Variants in DCAF13 observed in about 807,000 individuals in gnomAD.
DCAF13 encodes the protein DDB1 and CUL4 associated factor 13, also known as DDB1- and CUL4-associated factor 13.
A neutral mutation model predicts 59.0 loss-of-function variants in DCAF13; 38 were observed. The ratio of observed to expected loss-of-function variants is 0.64; its 90% CI spans 0.50 to 0.84. DCAF13 has a LOEUF of 0.84. Among genes scored for constraint, DCAF13 ranks in the 40% least tolerant of loss-of-function variants. DCAF13 has a pLI of 0.00. For synonymous variants in DCAF13, 173 were observed against 175.0 expected, an observed-to-expected ratio of 0.99 and a Z score of 0.09; for missense variants, 469 against 558.4, an observed-to-expected ratio of 0.84 and a Z score of 1.61.
chr8:103,434,604 T>C (rs1045166744), intron 7 of DCAF13, among the ~76,000 whole-genome samples: 4 of 152,070 alleles, frequency 2.6e-5, no homozygotes, highest in African/African-American at 9.7e-5. Flanking sequence ...GTAATTATTA[T>C]ATATCTTTGG....
intron 7 of DCAF13, among the ~76,000 whole-genome samples, chr8:103,433,624 T>C (rs1816894947): frequency 6.6e-6 from 1 of 152,044 alleles, no homozygotes; most frequent in Non-Finnish European, 1.5e-5. Flanking sequence ...TATATGATGT[T>C]TTAGTGGTAC....
chr8:103,418,846 A>ATATATTTATATATT (rs1554630625), intron 1 of DCAF13, among the ~76,000 whole-genome samples: 1 of 15,754 alleles, frequency 6.3e-5, no homozygotes, highest in African/African-American at 3.4e-4. Flanking sequence ...ATATATATAT[A>ATATATTTATATATT]TATATATATA....
At position 103,421,860 on chromosome 8, in the gene DCAF13, C is replaced by A. The variant is rs145286318; in HGVS notation, c.378+778C>A. On this transcript the variant is annotated intron_variant, in intron 3 of 10. Transcript: ENST00000612750. ...ATGTGTCACATTTTGTTTATCCGTT[C>A]ATTCATCAATGAGCATTTGATTTGT... 4.3e-3 allele frequency among the ~76,000 whole-genome samples: 661 copies of A among 152,294 alleles called. 1 individual carries two copies. Among genetic ancestry groups the A allele is most frequent in the African/African-American group, 0.015 (612 of 41,564 alleles).
At chr8:103,431,016 T>A (rs907963393) in intron 6 of DCAF13, among the ~76,000 whole-genome samples, 2 of 152,178 alleles carry the variant, frequency 1.3e-5, no homozygotes, top group African/African-American at 4.8e-5. Context: ...TGTAATAATA[T>A]TCAAATAATA....
At chr8:103,415,566 T>A (rs1375939115) in intron 1 of DCAF13, 50 bp downstream of exon 1, 4 of 1,538,912 alleles carry the variant, frequency 2.6e-6, no homozygotes, top group Non-Finnish European at 3.5e-6. Context: ...AGTCGTTGGG[T>A]CTAGCCTCGG....
chr8:103,433,779 C>T (rs1816897411), intron 7 of DCAF13, among the ~76,000 whole-genome samples: 1 of 151,860 alleles, frequency 6.6e-6, no homozygotes, highest in Admixed American at 6.6e-5. Context: ...AAAAGAAGCT[C>T]AGTTAGACTC....
intron 9 of DCAF13, 108 bp downstream of exon 9, chr8:103,440,379 T>C (rs1816993935): frequency 1.0e-6 from 1 of 977,858 alleles, no homozygotes; most frequent in African/African-American, 1.7e-5. Flanking sequence ...TTGATTAAAT[T>C]GACATAGCTG....
chr8:103,419,884 C>T (rs534472047), intron 1 of DCAF13, among the ~76,000 whole-genome samples: 11 of 151,930 alleles, frequency 7.2e-5, no homozygotes, highest in Admixed American at 2.0e-4. Flanking sequence ...TGGCATGCGC[C>T]TGTAATCCCA....
chr8:103,426,815 A>G (rs1816797748), intron 4 of DCAF13, among the ~76,000 whole-genome samples: 1 of 152,120 alleles, frequency 6.6e-6, no homozygotes, highest in African/African-American at 2.4e-5. Context: ...CAAGAAGACT[A>G]AATGTTCTTA....
chr8:103,437,859 T>G (rs1384110658), intron 8 of DCAF13, among the ~76,000 whole-genome samples: 2 of 152,194 alleles, frequency 1.3e-5, no homozygotes, highest in Non-Finnish European at 2.9e-5. Context: ...CTGTTGGAAG[T>G]TCATTCAGTA....
At chr8:103,437,753 A>G (rs1331227503) in intron 8 of DCAF13, among the ~76,000 whole-genome samples, 1 of 152,118 alleles carries the variant, frequency 6.6e-6, no homozygotes, top group Non-Finnish European at 1.5e-5. Flanking sequence ...ATTTTCCTTT[A>G]AAAGACCTTA....
At chr8:103,416,426 T>G (rs1470235734) in intron 1 of DCAF13, among the ~76,000 whole-genome samples, 3 of 152,238 alleles carry the variant, frequency 2.0e-5, no homozygotes, top group Non-Finnish European at 2.9e-5. Flanking sequence ...CCCACCTTCC[T>G]TGCCACTTTA....
In DCAF13 at chr8:103,417,368, G is replaced by C. The variant is rs144834191; in HGVS notation, c.70+1852G>C. ...TAAAAAAAAAGATCTTTGGCTGGGC[G>C]TGGTGGCTTATGCCTGTAATCCCAG... On this transcript the variant is annotated intron_variant, in intron 1 of 10. Transcript: ENST00000612750. Among the ~76,000 whole-genome samples, 116 of 152,200 alleles carry C rather than the reference G, an allele frequency of 7.6e-4. 2 individuals carry two copies. The East Asian group carries it at 0.021, about 27-fold the overall frequency.
intron 1 of DCAF13, among the ~76,000 whole-genome samples, chr8:103,417,742 C>T (rs1029105342): frequency 3.3e-5 from 5 of 151,770 alleles, no homozygotes; most frequent in Non-Finnish European, 7.4e-5. Flanking sequence ...ATTAATGGGG[C>T]ACACAGAAAG....
At chr8:103,431,399 C>G (rs913535366) in intron 6 of DCAF13, among the ~76,000 whole-genome samples, 1 of 152,152 alleles carries the variant, frequency 6.6e-6, no homozygotes, top group African/African-American at 2.4e-5. Context: ...AGTCTGTTGT[C>G]GTAGTCCACA....
At position 103,443,438 on chromosome 8, in the gene DCAF13, C is replaced by G. The variant is rs1817036974; in HGVS notation, c.*556C>G. On this transcript the variant is annotated 3_prime_UTR_variant, in exon 11 of 11. Coordinates refer to ENST00000612750, the MANE Select transcript of DCAF13 (RefSeq NM_015420.7). ...GGGTCAAGTTAAGATATTAAAAGTTCCTTTCAGCATTGAAACTTTGGCCTA... is the reference window on the plus strand; with the variant it reads ...GGGTCAAGTTAAGATATTAAAAGTTGCTTTCAGCATTGAAACTTTGGCCTA... The G allele has an allele frequency of 6.6e-6, 1 of 151,892 alleles. No homozygotes were observed. Among genetic ancestry groups the G allele is most frequent in the African/African-American group, 2.4e-5 (1 of 41,398 alleles). 9.4% of individuals were successfully genotyped at this position (151,892 alleles called of 1,614,324 possible).
chr8:103,418,824 T>TTTTA (rs1372895913), intron 1 of DCAF13, among the ~76,000 whole-genome samples: 9 of 41,394 alleles, frequency 2.2e-4, no homozygotes, highest in Non-Finnish European at 3.1e-4. Flanking sequence ...CTAAGCATAA[T>TTTTA]TATATATATA....
intron 1 of DCAF13, among the ~76,000 whole-genome samples, chr8:103,418,771 T>C (rs1336362898): frequency 7.0e-6 from 1 of 142,068 alleles, no homozygotes; most frequent in African/African-American, 2.6e-5. Context: ...ATTTACTTTT[T>C]ACTCACTGAG....
intron 9 of DCAF13, 50 bp downstream of exon 9, chr8:103,440,321 A>G (rs758311990): frequency 7.0e-7 from 1 of 1,432,814 alleles, no homozygotes; most frequent in South Asian, 1.4e-5. Context: ...TTCTAATTTT[A>G]TTAGATATTA....
Sources: gnomAD v4.1 joint callset for allele counts (sites outside exome capture counted in the v4.1 genomes callset) on GRCh38, gnomAD v4.1.1 for gene constraint, MANE v1.5 for transcripts, NCBI Gene and HGNC (gene_info 2026-07-23, HGNC 2026-07-21) for gene names.